Variants in SKIC3 observed in about 807,000 individuals in gnomAD.
The protein encoded by SKIC3 is superkiller complex protein 3.
chr5:95,530,212 C>T, the SKIC3 span: 1 of 1,613,320 alleles, frequency 6.2e-7, no homozygotes, highest in South Asian at 1.1e-5. Flanking sequence ...TACTGCTGCC[C>T]CTCATCAGTA....
At chr5:95,522,870 G>A in the SKIC3 span, among the ~76,000 whole-genome samples, 23,364 of 151,970 alleles carry the variant, frequency 0.15, 2,467 homozygotes, top group African/African-American at 0.3. Context: ...CCTTTAAGCT[G>A]CCAAATGTCT....
the SKIC3 span, chr5:95,540,959 C>CTATTT: frequency 8.1e-5 from 75 of 929,194 alleles, no homozygotes; most frequent in Non-Finnish European, 3.9e-5. Flanking sequence ...AGAACCCCAT[C>CTATTT]TATTTTATTT....
the SKIC3 span, among the ~76,000 whole-genome samples, chr5:95,508,073 TAC>T: frequency 1.3e-5 from 2 of 152,358 alleles, no homozygotes; most frequent in East Asian, 3.9e-4. Context: ...GTTTTTCATA[TAC>T]ACTCATTTTC....
At chr5:95,548,274 T>A in the SKIC3 span, among the ~76,000 whole-genome samples, 2 of 152,004 alleles carry the variant, frequency 1.3e-5, no homozygotes, top group Non-Finnish European at 2.9e-5. Context: ...AAAAGATGAA[T>A]CACTGACATG....
At chr5:95,468,115 T>C in the SKIC3 span, 1 of 1,202,492 alleles carries the variant, frequency 8.3e-7, no homozygotes. Context: ...TTATGATTTT[T>C]TAATTCAGAT....
chr5:95,518,038 C>T, the SKIC3 span, among the ~76,000 whole-genome samples: 1 of 152,008 alleles, frequency 6.6e-6, no homozygotes, highest in African/African-American at 2.4e-5. Context: ...TTATCAGCCT[C>T]CAGAACCAAG....
At chr5:95,494,731 T>C in the SKIC3 span, 9 of 1,613,688 alleles carry the variant, frequency 5.6e-6, no homozygotes, top group Admixed American at 6.7e-5. Context: ...CAGTATTTTT[T>C]TCATCTTCTG....
the SKIC3 span, among the ~76,000 whole-genome samples, chr5:95,520,541 C>T: frequency 6.7e-6 from 1 of 148,212 alleles, no homozygotes; most frequent in Non-Finnish European, 1.5e-5. Context: ...TATCTGTTTC[C>T]CCAAGTGCAA....
chr5:95,523,656 A>G, the SKIC3 span: 2 of 1,613,348 alleles, frequency 1.2e-6, no homozygotes, highest in African/African-American at 1.3e-5. Context: ...TAGACATACC[A>G]TATCTTCAAG....
the SKIC3 span, chr5:95,482,551 T>C: frequency 1.2e-6 from 2 of 1,614,082 alleles, no homozygotes; most frequent in Non-Finnish European, 1.7e-6. Context: ...GGAGTGGCTT[T>C]TGTGACTCCA....
At chr5:95,482,577 G>A in the SKIC3 span, 4 of 1,613,992 alleles carry the variant, frequency 2.5e-6, no homozygotes, top group African/African-American at 1.3e-5. Context: ...GGTTTACACT[G>A]AACTTGTCTC....
chr5:95,525,562 G>T, the SKIC3 span: 1 of 1,613,812 alleles, frequency 6.2e-7, no homozygotes, highest in Non-Finnish European at 8.5e-7. Context: ...CTCAAAAAAT[G>T]CTCAGTTTGA....
the SKIC3 span, chr5:95,536,745 T>G: frequency 3.1e-6 from 4 of 1,278,774 alleles, no homozygotes; most frequent in African/African-American, 5.9e-5. Flanking sequence ...CACTAAAACA[T>G]TTTTTGATTA....
At chr5:95,544,646 T>C in the SKIC3 span, among the ~76,000 whole-genome samples, 1 of 152,210 alleles carries the variant, frequency 6.6e-6, no homozygotes, top group Non-Finnish European at 1.5e-5. Flanking sequence ...GCCTTATTAA[T>C]GCTTATGTTC....
the SKIC3 span, chr5:95,541,396 A>AAC: frequency 3.7e-6 from 6 of 1,611,332 alleles, no homozygotes; most frequent in Admixed American, 1.7e-5. Context: ...AACAAAACAA[A>AAC]ACACACACAC....
chr5:95,546,609 T>C, the SKIC3 span, among the ~76,000 whole-genome samples: 1 of 152,150 alleles, frequency 6.6e-6, no homozygotes, highest in South Asian at 2.1e-4. Context: ...TCTCACCTAC[T>C]GATGACTTCA....
chr5:95,538,641 A>C, the SKIC3 span, among the ~76,000 whole-genome samples: 1 of 152,182 alleles, frequency 6.6e-6, no homozygotes, highest in South Asian at 2.1e-4. Context: ...TACAAATAAA[A>C]AAAGGAGAAT....
the SKIC3 span, chr5:95,537,071 T>C: frequency 6.8e-6 from 11 of 1,613,646 alleles, no homozygotes; most frequent in African/African-American, 1.5e-4. Context: ...GAAATGCCTA[T>C]AAAGTACTTG....
the SKIC3 span, chr5:95,469,753 T>G: frequency 2.5e-6 from 4 of 1,613,434 alleles, no homozygotes; most frequent in Admixed American, 3.3e-5. Context: ...GAAGCATTTA[T>G]AAGAAAAAGA....
Sources: gnomAD v4.1 joint callset for allele counts (sites outside exome capture counted in the v4.1 genomes callset) on GRCh38, gnomAD v4.1.1 for gene constraint, MANE v1.5 for transcripts, NCBI Gene and HGNC (gene_info 2026-07-23, HGNC 2026-07-21) for gene names.